DCAF6: variants seen among roughly 807,000 people sequenced by gnomAD.
DCAF6 encodes the protein DDB1- and CUL4-associated factor 6.
A neutral mutation model predicts 125.1 loss-of-function variants in DCAF6; 54 were observed. The observed-to-expected ratio is 0.43, with a 90% CI of 0.35 to 0.54. The LOEUF (loss-of-function observed/expected upper bound fraction) is 0.54, where lower values mean the gene tolerates loss of function less well. DCAF6 is among the 20% of genes least tolerant of loss of function. The pLI, the probability that DCAF6 is intolerant of heterozygous loss-of-function variation, is 0.01. For synonymous variants in DCAF6, 371 were observed against 390.4 expected (o/e 0.95, Z 0.58); for missense variants, 934 against 1,161.7 (o/e 0.80, Z 2.85).
At chr1:167,988,705 A>G (rs10918806) in intron 5 of DCAF6, among the ~76,000 whole-genome samples, 4,581 of 152,322 alleles carry the variant, frequency 0.03, 238 homozygotes, top group African/African-American at 0.1. Flanking sequence ...TAACTAAACC[A>G]GTTACCAACT....
the DCAF6 span, among the ~76,000 whole-genome samples, chr1:167,903,323 G>T: frequency 2.6e-5 from 4 of 151,500 alleles, no homozygotes; most frequent in Admixed American, 6.6e-5. Flanking sequence ...CAGCACTTTG[G>T]GGGGCTGAGG....
At chr1:167,923,352 A>G in the DCAF6 span, among the ~76,000 whole-genome samples, 1 of 152,184 alleles carries the variant, frequency 6.6e-6, no homozygotes, top group South Asian at 2.1e-4. Flanking sequence ...ATACAATGGA[A>G]TGCTATTCAG....
chr1:168,004,438 G>A, intron 9 of DCAF6, 95 bp from the exon 10 acceptor site: 1 of 1,278,592 alleles, frequency 7.8e-7, no homozygotes, highest in Admixed American at 2.0e-5. Flanking sequence ...ATTTGTGTGT[G>A]TAAATATAAA....
At chr1:167,993,476 G>A (rs775307232) in intron 7 of DCAF6, 36 bp downstream of exon 7, 15 of 1,578,756 alleles carry the variant, frequency 9.5e-6, no homozygotes, top group East Asian at 6.7e-5. Flanking sequence ...TTGGCCGGGC[G>A]CGGTGGCTCA....
chr1:167,872,044 A>T, the DCAF6 span, among the ~76,000 whole-genome samples: 1 of 152,078 alleles, frequency 6.6e-6, no homozygotes, highest in Non-Finnish European at 1.5e-5. Context: ...ATAAATAAAA[A>T]ATAATAAAGT....
At chr1:167,932,808 C>T (rs1417295655), upstream of DCAF6, among the ~76,000 whole-genome samples, 1 of 54,966 alleles carries the variant, frequency 1.8e-5, no homozygotes. Flanking sequence ...GACTCTGTCT[C>T]AAAAAAAAAA....
At chr1:167,869,374 A>G in the DCAF6 span, among the ~76,000 whole-genome samples, 2 of 152,230 alleles carry the variant, frequency 1.3e-5, no homozygotes, top group South Asian at 4.1e-4. Flanking sequence ...AAGTGGCAAA[A>G]ATAAGAGTGA....
At chr1:167,872,542 GGACTGTTGTATGCAGTTTT>G in the DCAF6 span, among the ~76,000 whole-genome samples, 1 of 151,252 alleles carries the variant, frequency 6.6e-6, no homozygotes, top group Non-Finnish European at 1.5e-5. Context: ...TCAATATCGG[GGACTGTTGTATGCAGTTTT>G]TACCCTAAAA....
chr1:168,035,681 C>T (rs567171906), intron 12 of DCAF6, among the ~76,000 whole-genome samples: 5 of 151,472 alleles, frequency 3.3e-5, no homozygotes, highest in Middle Eastern at 3.4e-3. Context: ...ATTCTATCAA[C>T]TATAATCAAT....
At chr1:167,964,782 T>C (rs1557899988) in intron 2 of DCAF6, among the ~76,000 whole-genome samples, 2 of 152,240 alleles carry the variant, frequency 1.3e-5, no homozygotes, top group African/African-American at 2.4e-5. Context: ...TTTATTGATA[T>C]ATCCTCAAGG....
intron 10 of DCAF6, among the ~76,000 whole-genome samples, chr1:168,008,659 G>T (rs1364164926): frequency 6.7e-6 from 1 of 149,744 alleles, no homozygotes; most frequent in East Asian, 1.9e-4. Flanking sequence ...AACTACAAAA[G>T]AAAAAAAAAT....
At chr1:167,985,184 C>CGTGT (rs33966059) in intron 4 of DCAF6, among the ~76,000 whole-genome samples, 6,283 of 146,932 alleles carry the variant, frequency 0.043, 185 homozygotes, top group African/African-American at 0.076. Context: ...CAAACCACGT[C>CGTGT]GTGTGTGTGT....
chr1:168,009,211 G>T (rs573757107), intron 10 of DCAF6, among the ~76,000 whole-genome samples: 22 of 151,540 alleles, frequency 1.5e-4, no homozygotes, highest in Non-Finnish European at 2.1e-4. Flanking sequence ...TGTTGGCCAC[G>T]ATGGTCTCAA....
At chr1:167,887,295 C>T in the DCAF6 span, among the ~76,000 whole-genome samples, 2 of 152,126 alleles carry the variant, frequency 1.3e-5, no homozygotes, top group Admixed American at 1.3e-4. Context: ...TGGAACCAAC[C>T]CAAATGTCCA....
At chr1:167,918,414 G>A in the DCAF6 span, 2 of 1,176,782 alleles carry the variant, frequency 1.7e-6, no homozygotes, top group African/African-American at 3.1e-5. Context: ...CAAATTTATG[G>A]TAAGGAGAGA....
chr1:167,962,122 T>C (rs927886779), intron 2 of DCAF6, among the ~76,000 whole-genome samples: 2 of 152,192 alleles, frequency 1.3e-5, no homozygotes, highest in African/African-American at 2.4e-5. Flanking sequence ...GTGTGGTCTG[T>C]CTTGGTAAAT....
At chr1:168,053,466 C>G (rs1409690793) in intron 17 of DCAF6, among the ~76,000 whole-genome samples, 1 of 152,290 alleles carries the variant, frequency 6.6e-6, no homozygotes, top group Non-Finnish European at 1.5e-5. Flanking sequence ...GGCCTCCCCA[C>G]ACAGTTGATT....
the DCAF6 span, among the ~76,000 whole-genome samples, chr1:167,888,886 A>G: frequency 2.0e-5 from 3 of 151,402 alleles, no homozygotes; most frequent in East Asian, 3.9e-4. Context: ...AAAAAAAAAA[A>G]AAAAGAAAAA....
At chr1:167,943,039 T>TG (rs1163165401) in intron 1 of DCAF6, among the ~76,000 whole-genome samples, 5 of 152,108 alleles carry the variant, frequency 3.3e-5, no homozygotes, top group Non-Finnish European at 7.4e-5. Context: ...CCCGAGTAGC[T>TG]GGGACTACAG....
Sources: allele counts gnomAD v4.1 joint callset (sites outside exome capture counted in the v4.1 genomes callset), GRCh38; gene constraint gnomAD v4.1.1; transcripts MANE v1.5; gene names NCBI Gene and HGNC (gene_info 2026-07-23, HGNC 2026-07-21).